Variants in SOAT1 observed in about 807,000 individuals in gnomAD.
SOAT1 encodes sterol O-acyltransferase 1, also known as acyl-coenzyme A:cholesterol acyltransferase 1.
Under a neutral mutation model 69.5 loss-of-function variants are expected in SOAT1, and 55 were observed. The observed-to-expected ratio is 0.79, with a 90% CI of 0.64 to 0.99. The LOEUF is 0.99. Ranked by LOEUF, SOAT1 falls within the 50% of genes least tolerant of loss-of-function variation. The pLI is 0.00. For synonymous variants in SOAT1, 231 were observed against 224.7 expected (o/e 1.03, Z -0.25); for missense variants, 580 against 669.3 (o/e 0.87, Z 1.47).
intron 14 of SOAT1, among the ~76,000 whole-genome samples, chr1:179,351,017 C>CT (rs1558060562): frequency 7.9e-4 from 11 of 13,952 alleles, no homozygotes; most frequent in Admixed American, 2.0e-3. Flanking sequence ...CTGTATATTT[C>CT]TTTCTTTTTT....
intron 15 of SOAT1, 60 bp from the exon 16 acceptor site, chr1:179,353,525 C>T (rs1203756910): frequency 6.9e-7 from 1 of 1,442,876 alleles, no homozygotes; most frequent in Non-Finnish European, 9.7e-7. Context: ...CTGCCTATCT[C>T]CACACCTCCT....
rs766400516 is a variant in SOAT1 at position 179,344,963 on chromosome 1, T to C, written c.1004T>C (p.Phe335Ser). The change falls in exon 11 of 16, where the codon TTC (phenylalanine) becomes TCC (serine). Residue 335 changes from phenylalanine to serine, a missense_variant. Phe to Ser is a radical substitution (Grantham distance 155). Transcript: ENST00000367619. ...MKFAQVFGCF[F>S]YVYYIFERLC... ...ATGTTCCAGGTCTTTGGTTGCTTTT[T>C]CTATGTGTACTACATCTTTGAAAGG... is the stretch of plus-strand genomic sequence containing the variant. 6.2e-7 allele frequency: 1 copy of C among 1,614,156 alleles called. No homozygotes were observed.
chr1:179,341,334 G>T (rs1666331716), intron 7 of SOAT1, 24 bp downstream of exon 7: 1 of 1,603,606 alleles, frequency 6.2e-7, no homozygotes, highest in South Asian at 1.1e-5. Context: ...TGTTACCCAA[G>T]GCGATGCTGT....
intron 13 of SOAT1, 77 bp downstream of exon 13, chr1:179,349,019 G>C (rs539001796): frequency 3.7e-6 from 3 of 804,368 alleles, no homozygotes; most frequent in Non-Finnish European, 4.2e-6. Flanking sequence ...TTATACAGCT[G>C]GAAGAAGTTA....
chr1:179,309,867 ATT>A lies in SOAT1; in HGVS notation c.118+7074_118+7075del, dbSNP rs66503219. 3.3e-3 allele frequency among the ~76,000 whole-genome samples: 505 copies of A among 151,818 alleles called. 5 individuals are homozygous for A. Among genetic ancestry groups the A allele is most frequent in the African/African-American group, 0.011 (475 of 41,402 alleles). ...ATCAAATATTCTTTTAATTGTTATA[ATT>A]TTTTTTTTGTTTGTTTTTGTTTTTA... On this transcript the variant is annotated intron_variant, in intron 2 of 15. Transcript: ENST00000367619.
At chr1:179,307,468 A>G (rs1269582322) in intron 2 of SOAT1, among the ~76,000 whole-genome samples, 2 of 152,208 alleles carry the variant, frequency 1.3e-5, no homozygotes, top group Admixed American at 1.3e-4. Flanking sequence ...AACATCTTCT[A>G]TGTGGTGGCT....
At chr1:179,341,983 A>C (rs1666354015) in intron 7 of SOAT1, 131 bp from the exon 8 acceptor site, 1 of 1,179,896 alleles carries the variant, frequency 8.5e-7, no homozygotes, top group South Asian at 3.2e-5. Context: ...TAAAGGTTTT[A>C]TTTTAATTTG....
In SOAT1 at chr1:179,344,939, T is replaced by C. The variant is rs550919734; in HGVS notation, c.988-8T>C. ...CGTTATTATAATTCTGTCTCTGTTA[T>C]GTTCCAGGTCTTTGGTTGCTTTTTC... On this transcript the variant is annotated splice_polypyrimidine_tract_variant and splice_region_variant and intron_variant, in intron 10 of 15. Transcript: ENST00000367619. 7 of 1,613,924 alleles carry C rather than the reference T, an allele frequency of 4.3e-6. No individual in the cohort carries two copies. The highest frequency in any genetic ancestry group is 2.2e-5 in the East Asian group (1 of 44,868).
At chr1:179,296,599 T>G (rs1191157127) in intron 1 of SOAT1, among the ~76,000 whole-genome samples, 3 of 152,234 alleles carry the variant, frequency 2.0e-5, no homozygotes, top group Non-Finnish European at 4.4e-5. Context: ...GACCTAGTTC[T>G]GTGATATGTA....
At chr1:179,312,704 C>T (rs1252989186) in intron 2 of SOAT1, among the ~76,000 whole-genome samples, 2 of 152,196 alleles carry the variant, frequency 1.3e-5, no homozygotes, top group African/African-American at 2.4e-5. Context: ...GTATTTATAA[C>T]TAAGGTTCTC....
Position 179,341,531 on chromosome 1 carries a change from T to A in SOAT1, c.780+221T>A, listed in dbSNP as rs528664500. 5.2e-3 allele frequency among the ~76,000 whole-genome samples: 777 copies of A among 149,444 alleles called. 5 individuals carry two copies. The highest frequency in any genetic ancestry group is 8.5e-3 in the Non-Finnish European group (571 of 67,514). On this transcript the variant is annotated intron_variant, in intron 7 of 15. Transcript: ENST00000367619. ...TCTGAATTTTGATAAATAAATTACG[T>A]TGAACTTTTTTTTTTTTTTTTGAGA...
chr1:179,352,569 A>G (rs1339179925), intron 15 of SOAT1, among the ~76,000 whole-genome samples: 1 of 152,162 alleles, frequency 6.6e-6, no homozygotes, highest in Non-Finnish European at 1.5e-5. Flanking sequence ...TATGGCAGAT[A>G]GAGCTATTTG....
chr1:179,322,077 G>A lies in SOAT1; in HGVS notation c.119-1360G>A, dbSNP rs369742581. On this transcript the variant is annotated intron_variant, in intron 2 of 15. Coordinates refer to ENST00000367619, the MANE Select transcript of SOAT1 (RefSeq NM_003101.6). Reference sequence around the variant, plus strand: ...TAAAACTTTTTTTTGTAGAGATGGGGTCTTGCTATGTTGTCCAGGCTGGTC... The same window carrying A: ...TAAAACTTTTTTTTGTAGAGATGGGATCTTGCTATGTTGTCCAGGCTGGTC... 2.0e-4 allele frequency among the ~76,000 whole-genome samples: 31 copies of A among 151,872 alleles called. No homozygotes were observed. The East Asian group carries it at 5.8e-3, about 29-fold the overall frequency.
chr1:179,348,697 A>G, intron 12 of SOAT1, 147 bp from the exon 13 acceptor site: 1 of 604,202 alleles, frequency 1.7e-6, no homozygotes, highest in Non-Finnish European at 3.0e-6. Flanking sequence ...TTATCACAGT[A>G]TAATTTGATT....
Position 179,351,021 on chromosome 1 carries a change from C to CTTTT in SOAT1, c.1451-260_1451-257dup, listed in dbSNP as rs201449849. ...TGTTTTGATACCTGTATATTTCTTT[C>CTTTT]TTTTTTTTTTTTTTTTTTTTTTTTT... is the stretch of plus-strand genomic sequence containing the variant. On this transcript the variant is annotated intron_variant, in intron 14 of 15. Coordinates refer to ENST00000367619, the MANE Select transcript of SOAT1 (RefSeq NM_003101.6). Among the ~76,000 whole-genome samples the CTTTT allele has an allele frequency of 7.4e-4, 94 of 127,522 alleles. 2 individuals carry two copies. Among genetic ancestry groups the CTTTT allele is most frequent in the Non-Finnish European group, 9.7e-4 (58 of 60,066 alleles). 83.7% of individuals were successfully genotyped at this position (127,522 alleles called of 152,430 possible). A position where few individuals can be genotyped will look rare whatever the true frequency, so the allele number is the denominator to read the frequency against.
At chr1:179,302,863 T>C (rs746995592) in intron 2 of SOAT1, 61 bp downstream of exon 2, 6 of 852,782 alleles carry the variant, frequency 7.0e-6, no homozygotes, top group Non-Finnish European at 1.1e-5. Flanking sequence ...TACAGTGTTA[T>C]AGAATAAGTA....
chr1:179,345,297 C>CT (rs1666490445), intron 11 of SOAT1, among the ~76,000 whole-genome samples: 1 of 152,206 alleles, frequency 6.6e-6, no homozygotes, highest in South Asian at 2.1e-4. Flanking sequence ...GTGCCTTTCT[C>CT]TGACAGTGGA....
chr1:179,293,811 G>A lies in SOAT1; in HGVS notation c.-134G>A, dbSNP rs1252217674. The stretch of plus-strand genomic sequence containing the variant: ...GGCTGTCCGGCGCTTTAGCTTAGCA[G>A]GCGACGTTGCGGGCCCTGGGCGCCA... On this transcript the variant is annotated 5_prime_UTR_variant, in exon 1 of 16. Coordinates refer to ENST00000367619, the MANE Select transcript of SOAT1 (RefSeq NM_003101.6). The A allele has an allele frequency of 6.6e-6, 1 of 152,440 alleles. No individual in the cohort carries two copies. Among genetic ancestry groups the A allele is most frequent in the African/African-American group, 2.4e-5 (1 of 41,478 alleles). The allele number at this position is 152,440 out of a possible 1,614,324, so 9.4% of individuals were successfully genotyped here.
chr1:179,338,608 T>C (rs1666234691), intron 5 of SOAT1, among the ~76,000 whole-genome samples: 1 of 152,178 alleles, frequency 6.6e-6, no homozygotes, highest in Non-Finnish European at 1.5e-5. Flanking sequence ...CACTGTAGTT[T>C]GAAGGAATTA....
Sources: allele counts gnomAD v4.1 joint callset (sites outside exome capture counted in the v4.1 genomes callset), GRCh38; gene constraint gnomAD v4.1.1; transcripts MANE v1.5; gene names NCBI Gene and HGNC (gene_info 2026-07-23, HGNC 2026-07-21).